The following NCKAP5 variants were observed in gnomAD, a reference collection of about 807,000 sequenced individuals.
NCKAP5 encodes nck-associated protein 5.
A neutral mutation model predicts 167.0 loss-of-function variants in NCKAP5; 92 were observed. The ratio of observed to expected loss-of-function variants is 0.55; its 90% confidence interval spans 0.47 to 0.66. The LOEUF (loss-of-function observed/expected upper bound fraction) is 0.66. NCKAP5 is among the 30% of genes least tolerant of loss of function. NCKAP5 has a pLI of 0.00. For synonymous variants in NCKAP5, 891 were observed against 877.4 expected, an observed-to-expected ratio of 1.02 and a Z score of -0.27; for missense variants, 2,378 against 2,315.0, an observed-to-expected ratio of 1.03 and a Z score of -0.56.
chr2:133,425,535 AG>A (rs1313008567), intron 3 of NCKAP5, among the ~76,000 whole-genome samples: 1 of 152,250 alleles, frequency 6.6e-6, no homozygotes, highest in Non-Finnish European at 1.5e-5. Context: ...AGGGAAAAAG[AG>A]GGCAGAGCAA....
chr2:133,665,754 A>G, the NCKAP5 span, among the ~76,000 whole-genome samples: 4 of 152,250 alleles, frequency 2.6e-5, no homozygotes, highest in African/African-American at 9.6e-5. Context: ...AAAGCACAAT[A>G]AAACAAAGTA....
chr2:133,584,345 A>G, the NCKAP5 span, among the ~76,000 whole-genome samples: 1 of 152,238 alleles, frequency 6.6e-6, no homozygotes, highest in Non-Finnish European at 1.5e-5. Context: ...AAGGTAATGT[A>G]TCCTGAGAGG....
rs1375983016 is a variant in NCKAP5, at chr2:132,989,283, G to T, written c.429+4869C>A. ...TGCTCTATTTTCTTTATGCTTAATT[G>T]CCCCCTTTCATGTCTAATTGTAATT... On this transcript the variant is annotated intron_variant, in intron 7 of 19. Transcript: ENST00000409261. Among the ~76,000 whole-genome samples, 6 of 152,100 alleles carry T rather than the reference G, an allele frequency of 3.9e-5. No homozygotes were observed. In the East Asian group the frequency reaches 1.2e-3, roughly 29 times the overall value.
intron 6 of NCKAP5, among the ~76,000 whole-genome samples, chr2:133,099,550 C>T (rs2081438809): frequency 1.3e-5 from 2 of 152,174 alleles, no homozygotes; most frequent in Non-Finnish European, 2.9e-5. Flanking sequence ...AGCTGTTGAT[C>T]TCTGCTAAAT....
intron 3 of NCKAP5, among the ~76,000 whole-genome samples, chr2:133,305,771 C>G (rs1197395150): frequency 6.6e-6 from 1 of 152,160 alleles, no homozygotes; most frequent in Non-Finnish European, 1.5e-5. Flanking sequence ...AAATCTTAAA[C>G]CACTTAAAAA....
intron 3 of NCKAP5, among the ~76,000 whole-genome samples, chr2:133,503,381 A>T (rs1682711842): frequency 6.6e-6 from 1 of 152,198 alleles, no homozygotes; most frequent in Non-Finnish European, 1.5e-5. Context: ...CTCTTGCCTC[A>T]TCTGATCCTT....
chr2:132,863,523 T>C (rs1251279632), intron 10 of NCKAP5, among the ~76,000 whole-genome samples: 2 of 151,706 alleles, frequency 1.3e-5, no homozygotes, highest in African/African-American at 4.8e-5. Flanking sequence ...TTTACACAAG[T>C]GCCCAAATTT....
chr2:133,437,328 G>T lies in NCKAP5; in HGVS notation c.69+80130C>A, dbSNP rs1056129851. ...AGATCGTGCCATTGCACTCCAGCCTGGGTGACAGTGCGAGACTCTGTCTCA... is the reference window on the plus strand; with the variant it reads ...AGATCGTGCCATTGCACTCCAGCCTTGGTGACAGTGCGAGACTCTGTCTCA... On this transcript the variant is annotated intron_variant, in intron 3 of 19. Coordinates refer to ENST00000409261, the MANE Select transcript of NCKAP5 (RefSeq NM_207363.3). Among the ~76,000 whole-genome samples, 3 of 150,702 alleles carry T rather than the reference G, an allele frequency of 2.0e-5. No individual in the cohort carries two copies. In the South Asian group the frequency reaches 6.3e-4, roughly 32 times the overall value.
intron 11 of NCKAP5, among the ~76,000 whole-genome samples, chr2:132,811,746 C>G (rs1438516204): frequency 6.6e-6 from 1 of 152,138 alleles, no homozygotes; most frequent in African/African-American, 2.4e-5. Flanking sequence ...CCTGTGGAGT[C>G]TGCAAACCAG....
intron 4 of NCKAP5, among the ~76,000 whole-genome samples, chr2:133,277,151 C>T (rs992862044): frequency 2.0e-5 from 3 of 152,118 alleles, no homozygotes; most frequent in Admixed American, 6.6e-5. Context: ...CCGCTGCCTC[C>T]ACTTCTATTA....
chr2:132,823,233 C>A (rs1558823638), intron 11 of NCKAP5, among the ~76,000 whole-genome samples: 1 of 152,128 alleles, frequency 6.6e-6, no homozygotes. Flanking sequence ...AAGATCATCA[C>A]CTAGGCACAT....
chr2:133,073,227 T>TTC (rs1341223939), intron 6 of NCKAP5, among the ~76,000 whole-genome samples: 1 of 139,752 alleles, frequency 7.2e-6, no homozygotes, highest in African/African-American at 3.2e-5. Flanking sequence ...CAGGGAAATC[T>TTC]TTTTTTTTTC....
At chr2:132,856,661 A>C (rs1266451781) in intron 11 of NCKAP5, among the ~76,000 whole-genome samples, 2 of 152,224 alleles carry the variant, frequency 1.3e-5, no homozygotes, top group Admixed American at 6.5e-5. Context: ...CCAAACAAGT[A>C]AAAGACAGAA....
intron 16 of NCKAP5, among the ~76,000 whole-genome samples, chr2:132,759,307 T>C (rs1444652509): frequency 2.0e-5 from 3 of 152,184 alleles, no homozygotes; most frequent in Admixed American, 1.3e-4. Context: ...GTTACCACAA[T>C]CACTGTGCTA....
At chr2:133,156,564 G>A (rs746652462) in intron 5 of NCKAP5, among the ~76,000 whole-genome samples, 4 of 152,130 alleles carry the variant, frequency 2.6e-5, no homozygotes, top group East Asian at 1.9e-4. Flanking sequence ...TTTCCCTAAC[G>A]CTTTGCTCCA....
intron 3 of NCKAP5, among the ~76,000 whole-genome samples, chr2:133,411,653 G>A (rs372081984): frequency 1.3e-4 from 20 of 152,232 alleles, no homozygotes; most frequent in Middle Eastern, 3.4e-3. Flanking sequence ...GGGAGGGTGC[G>A]GATATCTTTG....
intron 6 of NCKAP5, among the ~76,000 whole-genome samples, chr2:133,062,982 A>T (rs1460779079): frequency 2.0e-5 from 3 of 152,322 alleles, no homozygotes; most frequent in African/African-American, 7.2e-5. Context: ...TAATTGGCCC[A>T]ATCCTGGCTG....
chr2:133,658,790 G>T, the NCKAP5 span, among the ~76,000 whole-genome samples: 1 of 152,068 alleles, frequency 6.6e-6, no homozygotes, highest in African/African-American at 2.4e-5. Context: ...CTGTTTGCTG[G>T]TTCCCCAATA....
At chr2:132,867,330 G>T (rs1207430551) in intron 10 of NCKAP5, among the ~76,000 whole-genome samples, 1 of 152,008 alleles carries the variant, frequency 6.6e-6, no homozygotes, top group East Asian at 1.9e-4. Context: ...AAACAATCGA[G>T]AAATTAAAGC....
Sources: allele counts gnomAD v4.1 joint callset (sites outside exome capture counted in the v4.1 genomes callset), GRCh38; gene constraint gnomAD v4.1.1; transcripts MANE v1.5; gene names NCBI Gene and HGNC (gene_info 2026-07-23, HGNC 2026-07-21).